The following MESD variants were observed in gnomAD, a reference collection of about 807,000 sequenced individuals.
MESD encodes the protein LRP chaperone MESD.
A neutral mutation model predicts 12.9 loss-of-function variants in MESD; 7 were observed. The ratio of observed to expected loss-of-function variants is 0.54; its 90% CI spans 0.31 to 1.02. The LOEUF (loss-of-function observed/expected upper bound fraction) is 1.02, where lower values mean the gene tolerates loss of function less well. Among genes scored for constraint, MESD ranks in the 50% least tolerant of loss-of-function variants. The pLI, the probability that MESD is intolerant of heterozygous loss-of-function variation, is 0.05. For missense variants in MESD, 342 were observed against 296.7 expected (o/e 1.15, Z -1.12); for synonymous variants, 126 against 115.6 (o/e 1.09, Z -0.58).
downstream of MESD, among the ~76,000 whole-genome samples, chr15:80,973,353 A>AAAC (rs760034135): frequency 2.8e-4 from 42 of 151,944 alleles, no homozygotes; most frequent in African/African-American, 6.5e-4. Flanking sequence ...TCTCTCGAGA[A>AAAC]AACAACAACA....
In MESD at chr15:80,977,351, T is replaced by C. The variant is rs936753231; in HGVS notation, c.*1868A>G. On this transcript the variant is annotated 3_prime_UTR_variant, in exon 3 of 3. Coordinates refer to ENST00000261758, the MANE Select transcript of MESD (RefSeq NM_015154.3). ...GTCTTCCCCCACCGAATCATTGAGT[T>C]TTACGATAGCAGAGGCTGTATCTAC... 1 of 152,044 alleles carries C rather than the reference T, an allele frequency of 6.6e-6. No homozygotes were observed. The highest frequency in any genetic ancestry group is 1.5e-5 in the Non-Finnish European group (1 of 68,032). The allele number at this position is 152,044 out of a possible 1,614,324, so 9.4% of individuals were successfully genotyped here. A position where few individuals can be genotyped will look rare whatever the true frequency, so the allele number is the denominator to read the frequency against.
exon 5 of MESD, chr15:80,948,758 A>C (rs1567115554): frequency 6.2e-7 from 1 of 1,613,626 alleles, no homozygotes; most frequent in African/African-American, 1.3e-5. Context: ...CCGTCCTCTC[A>C]TAGGGCTTTT....
rs115688975 is a variant in MESD, at chr15:80,957,160, G to T, written c.*289-4864C>A. On this transcript the variant is annotated intron_variant, in intron 3 of 4. Transcript: ENST00000561312. ...CTCTTGTGGGAGGAAATTGTCTCAT[G>T]TTGTTTTAGACATTAACAGAGTTAT... is the stretch of plus-strand genomic sequence containing the variant. Among the ~76,000 whole-genome samples, 570 of 152,118 alleles carry T rather than the reference G, an allele frequency of 3.7e-3. 7 individuals are homozygous for T. The highest frequency in any genetic ancestry group is 0.013 in the African/African-American group (527 of 41,480).
At position 80,979,354 on chromosome 15, in the gene MESD, G is replaced by A. The variant is rs1328002658; in HGVS notation, c.570C>T (p.Tyr190=). The change falls in exon 3 of 3, where the codon TAC becomes TAT. Residue 190 remains tyrosine (Y), a synonymous_variant. Transcript: ENST00000261758. Reference sequence around the variant, plus strand: ...CTTTGCTTCCTCCTCCTTTGCCGGGGTACACCTGGCCCTCCAGAGTTACAT... The same window carrying A: ...CTTTGCTTCCTCCTCCTTTGCCGGGATACACCTGGCCCTCCAGAGTTACAT... ...CADVTLEGQV[Y]PGKGGGSKEK... is the part of the protein sequence containing the mutation. 1 of 1,613,974 alleles carries A rather than the reference G, an allele frequency of 6.2e-7. No homozygotes were observed.
intron 3 of MESD, among the ~76,000 whole-genome samples, chr15:80,961,531 A>T (rs1396214373): frequency 6.6e-6 from 1 of 152,158 alleles, no homozygotes; most frequent in Non-Finnish European, 1.5e-5. Context: ...TTTGGTGCAA[A>T]TTTTCTGTAA....
At chr15:80,980,508 T>A (rs559534589) in intron 2 of MESD, among the ~76,000 whole-genome samples, 2 of 152,196 alleles carry the variant, frequency 1.3e-5, no homozygotes, top group African/African-American at 2.4e-5. Context: ...GAGCAGAAAC[T>A]TCTAGCTGAA....
Position 80,979,236 on chromosome 15 carries a change from T to C in MESD, c.688A>G (p.Lys230Glu), listed in dbSNP as rs960104401. The change falls in exon 3 of 3, where the codon AAA (lysine) becomes GAA (glutamate). Residue 230 changes from lysine to glutamate, a missense_variant. Coordinates refer to ENST00000261758, the MANE Select transcript of MESD (RefSeq NM_015154.3). ...CTGCCCCATCACAGGTCTTCTCTTT[T>C]ATTCCCAGCTCGATTTTCTTCCTTG... ...SSKEENRAGN[K>E]REDL 7 of 1,613,546 alleles carry C rather than the reference T, an allele frequency of 4.3e-6. No individual in the cohort carries two copies. The African/African-American group carries it at 8.0e-5, about 18-fold the overall frequency.
intron 1 of MESD, among the ~76,000 whole-genome samples, chr15:80,984,025 C>T (rs1177331930): frequency 2.6e-5 from 4 of 151,034 alleles, no homozygotes; most frequent in Non-Finnish European, 4.4e-5. Context: ...CTCAGCCTCC[C>T]GAGTAGCTGG....
chr15:80,957,285 A>G (rs1902005424), intron 3 of MESD, among the ~76,000 whole-genome samples: 3 of 152,184 alleles, frequency 2.0e-5, no homozygotes, highest in Admixed American at 2.0e-4. Flanking sequence ...AAAAAACAAA[A>G]TACAGTCTCC....
In MESD at chr15:80,985,980, TAATTA is replaced by T. The variant is rs535167010; in HGVS notation, c.213+3594_213+3598del. On this transcript the variant is annotated intron_variant, in intron 1 of 2. Transcript: ENST00000261758. ...CAGCACTTCTTTGTTAATGCAAATA[TAATTA>T]AATAGTCGTAAGTCTAGTGCATATA... is the stretch of plus-strand genomic sequence containing the variant. Among the ~76,000 whole-genome samples, 9 of 152,184 alleles carry T rather than the reference TAATTA, an allele frequency of 5.9e-5. No homozygotes were observed. The South Asian group carries it at 1.9e-3, about 31-fold the overall frequency.
intron 3 of MESD, among the ~76,000 whole-genome samples, chr15:80,960,793 C>T (rs914417198): frequency 6.6e-6 from 1 of 152,136 alleles, no homozygotes; most frequent in Non-Finnish European, 1.5e-5. Context: ...TGTTTGCCTC[C>T]AGATCAATTC....
chr15:80,975,045 CA>C (rs1482940802), downstream of MESD, among the ~76,000 whole-genome samples: 1 of 151,664 alleles, frequency 6.6e-6, no homozygotes, highest in East Asian at 1.9e-4. Context: ...AGGGGAAAGA[CA>C]GGGGTGGCCT....
chr15:80,963,314 T>A (rs1271448043), intron 3 of MESD, among the ~76,000 whole-genome samples: 1 of 151,900 alleles, frequency 6.6e-6, no homozygotes, highest in Non-Finnish European at 1.5e-5. Flanking sequence ...CAATAACAGG[T>A]TCTGAAATTG....
chr15:80,975,146 C>T (rs1366741869), downstream of MESD, among the ~76,000 whole-genome samples: 1 of 150,624 alleles, frequency 6.6e-6, no homozygotes, highest in African/African-American at 2.4e-5. Context: ...GAATCGGAGG[C>T]CGAGGCAGGA....
intron 3 of MESD, among the ~76,000 whole-genome samples, chr15:80,962,631 A>C (rs1266747581): frequency 6.6e-6 from 1 of 152,216 alleles, no homozygotes; most frequent in Admixed American, 6.5e-5. Flanking sequence ...AAACCACAAC[A>C]AACTGTCTCA....
Position 80,976,367 on chromosome 15 carries a change from G to A in MESD, c.*2852C>T, listed in dbSNP as rs1278057997. 6.6e-6 allele frequency: 1 copy of A among 152,348 alleles called. No homozygotes were observed. The highest frequency in any genetic ancestry group is 1.5e-5 in the Non-Finnish European group (1 of 68,124). 9.4% of individuals were successfully genotyped at this position (152,348 alleles called of 1,614,324 possible). A position where few individuals can be genotyped will look rare whatever the true frequency, so the allele number is the denominator to read the frequency against. ...TCAGCTTATGTTGGCTCCCCTCAGT[G>A]TCAACTAGGATTGCTTGAAGGCTGG... On this transcript the variant is annotated 3_prime_UTR_variant, in exon 3 of 3. Transcript: ENST00000261758.
Position 80,967,769 on chromosome 15 carries a change from T to C in MESD, c.*288+11162A>G, listed in dbSNP as rs74028134. Among the ~76,000 whole-genome samples, 1,496 of 152,328 alleles carry C rather than the reference T, an allele frequency of 9.8e-3. 28 individuals carry two copies. The highest frequency in any genetic ancestry group is 0.034 in the African/African-American group (1,434 of 41,574). Reference sequence around the variant, plus strand: ...CTTCCAATTCATCAGCTTGGAAACTTCACCTCAGAAACTTCGGCAGACTTC... The same window carrying C: ...CTTCCAATTCATCAGCTTGGAAACTCCACCTCAGAAACTTCGGCAGACTTC... On this transcript the variant is annotated intron_variant, in intron 3 of 4. Transcript: ENST00000561312.
rs1407040498 is a variant in MESD, at chr15:80,978,519, C to T, written c.*700G>A. The stretch of plus-strand genomic sequence containing the variant: ...ACATTAAATGGAACATATAACCCCT[C>T]GACACCAGCAGTACTCTTTCCTAAA... On this transcript the variant is annotated 3_prime_UTR_variant, in exon 3 of 3. Transcript: ENST00000261758. 4 of 152,208 alleles carry T rather than the reference C, an allele frequency of 2.6e-5. No homozygotes were observed. Among genetic ancestry groups the T allele is most frequent in the Non-Finnish European group, 2.9e-5 (2 of 68,062 alleles). The allele number at this position is 152,208 out of a possible 1,614,324, so 9.4% of individuals were successfully genotyped here.
chr15:80,979,011 A>G lies in MESD; in HGVS notation c.*208T>C. 1 of 616,268 alleles carries G rather than the reference A, an allele frequency of 1.6e-6. No individual in the cohort carries two copies. Among genetic ancestry groups the G allele is most frequent in the Non-Finnish European group, 2.8e-6 (1 of 360,856 alleles). 38.2% of individuals were successfully genotyped at this position (616,268 alleles called of 1,614,324 possible). A position where few individuals can be genotyped will look rare whatever the true frequency, so the allele number is the denominator to read the frequency against. ...AGTAAACATGAATTTGTCAGTGTCC[A>G]GTATTAATTAGAAAACATCTGTCTT... On this transcript the variant is annotated 3_prime_UTR_variant, in exon 3 of 3. Coordinates refer to ENST00000261758, the MANE Select transcript of MESD (RefSeq NM_015154.3).
Sources: gnomAD v4.1 joint callset for allele counts (sites outside exome capture counted in the v4.1 genomes callset) on GRCh38, gnomAD v4.1.1 for gene constraint, MANE v1.5 for transcripts, NCBI Gene and HGNC (gene_info 2026-07-23, HGNC 2026-07-21) for gene names.